EPHA6: variants seen among roughly 807,000 people sequenced by gnomAD.
EPHA6 encodes ephrin type-A receptor 6.
EPHA6 carries 50 observed loss-of-function variants against 112.0 expected under a neutral mutation model. The ratio of observed to expected loss-of-function variants is 0.45; its 90% CI spans 0.36 to 0.56. EPHA6 has a LOEUF of 0.56. EPHA6 is among the 20% of genes least tolerant of loss of function. EPHA6 has a pLI of 0.00. For missense variants in EPHA6, 1,280 were observed against 1,417.4 expected (o/e 0.90, Z 1.56); for synonymous variants, 529 against 490.7 (o/e 1.08, Z -1.03).
At chr3:97,641,790 T>C (rs972523442) in intron 14 of EPHA6, among the ~76,000 whole-genome samples, 15 of 152,304 alleles carry the variant, frequency 9.8e-5, no homozygotes, top group East Asian at 7.7e-4. Context: ...GAGGGTCCTA[T>C]GCCCACGGAG....
intron 14 of EPHA6, among the ~76,000 whole-genome samples, chr3:97,690,126 T>C (rs1291709626): frequency 6.6e-6 from 1 of 152,250 alleles, no homozygotes; most frequent in Non-Finnish European, 1.5e-5. Flanking sequence ...CACATGTTTT[T>C]ATTTATCTTG....
chr3:97,581,625 TC>T (rs1273891359), intron 11 of EPHA6, among the ~76,000 whole-genome samples: 1 of 152,250 alleles, frequency 6.6e-6, no homozygotes, highest in Non-Finnish European at 1.5e-5. Flanking sequence ...TGTATAATTG[TC>T]CTCATAACAT....
intron 1 of EPHA6, among the ~76,000 whole-genome samples, chr3:96,832,344 A>G (rs2034138449): frequency 6.6e-6 from 1 of 152,068 alleles, no homozygotes; most frequent in Admixed American, 6.6e-5. Context: ...TATAGAATGC[A>G]TATTATAATA....
intron 12 of EPHA6, among the ~76,000 whole-genome samples, chr3:97,603,077 AG>A (rs2093655012): frequency 6.6e-6 from 1 of 152,070 alleles, no homozygotes; most frequent in Non-Finnish European, 1.5e-5. Context: ...TACAAAATCA[AG>A]AAAGACATTC....
intron 1 of EPHA6, 138 bp from the exon 2 acceptor site, chr3:96,866,687 A>C (rs1032983718): frequency 4.1e-5 from 17 of 417,910 alleles, no homozygotes; most frequent in Non-Finnish European, 6.4e-5. Context: ...ATTTCTGAAG[A>C]TAACTCATTA....
At chr3:97,388,755 C>A (rs1402939450) in intron 5 of EPHA6, among the ~76,000 whole-genome samples, 1 of 152,106 alleles carries the variant, frequency 6.6e-6, no homozygotes, top group African/African-American at 2.4e-5. Flanking sequence ...AAAAGATCCT[C>A]ATCACAGATA....
rs138671398 is a variant in EPHA6 at position 96,879,023 on chromosome 3, G to T, written c.450+12134G>T. Among the ~76,000 whole-genome samples the T allele has an allele frequency of 2.6e-3, 398 of 152,020 alleles. 4 individuals carry two copies. Among genetic ancestry groups the T allele is most frequent in the African/African-American group, 8.3e-3 (343 of 41,522 alleles). ...AAAGATATATTTCACGCAATATACA[G>T]AACACTTAATATGGTGTCCACATTC... On this transcript the variant is annotated intron_variant, in intron 2 of 17. Transcript: ENST00000389672.
chr3:97,384,877 T>C (rs1384454008), intron 5 of EPHA6, among the ~76,000 whole-genome samples: 2 of 152,190 alleles, frequency 1.3e-5, no homozygotes, highest in African/African-American at 4.8e-5. Context: ...ACACTAAGTT[T>C]GGTAAATAAA....
intron 2 of EPHA6, among the ~76,000 whole-genome samples, chr3:96,940,961 G>A (rs2040906432): frequency 2.6e-5 from 4 of 152,212 alleles, no homozygotes; most frequent in Admixed American, 2.6e-4. Context: ...TTTCTGCCGA[G>A]AGATCAGCTG....
chr3:97,140,879 C>T (rs748112654), intron 3 of EPHA6, among the ~76,000 whole-genome samples: 4 of 152,122 alleles, frequency 2.6e-5, no homozygotes, highest in East Asian at 1.9e-4. Context: ...AACATATAGA[C>T]TGGCAAATAG....
intron 11 of EPHA6, among the ~76,000 whole-genome samples, chr3:97,551,396 A>G (rs2093026922): frequency 1.3e-5 from 2 of 152,174 alleles, no homozygotes; most frequent in South Asian, 4.1e-4. Flanking sequence ...ATTGGGTTAT[A>G]TCAATCACTG....
At chr3:97,054,954 A>T (rs949860069) in intron 3 of EPHA6, among the ~76,000 whole-genome samples, 1 of 152,010 alleles carries the variant, frequency 6.6e-6, no homozygotes, top group African/African-American at 2.4e-5. Flanking sequence ...CTTTCTTAAA[A>T]ATTTCCCCCC....
intron 13 of EPHA6, among the ~76,000 whole-genome samples, chr3:97,625,871 C>T (rs2093852217): frequency 6.6e-6 from 1 of 151,632 alleles, no homozygotes; most frequent in Admixed American, 6.6e-5. Context: ...GGAGGATTGA[C>T]TTTGGAGAGT....
intron 15 of EPHA6, 85 bp from the exon 16 acceptor site, chr3:97,735,840 C>A: frequency 1.0e-6 from 1 of 997,608 alleles, no homozygotes; most frequent in Non-Finnish European, 1.4e-6. Flanking sequence ...ATTATTTTGG[C>A]TTCTTCTGCT....
chr3:97,616,759 C>T (rs536472873), intron 13 of EPHA6, among the ~76,000 whole-genome samples: 2 of 152,094 alleles, frequency 1.3e-5, no homozygotes, highest in Admixed American at 1.3e-4. Flanking sequence ...ATAAACAAAA[C>T]CTCCAAGAAA....
At chr3:97,524,273 T>C (rs532024587) in intron 10 of EPHA6, among the ~76,000 whole-genome samples, 5 of 152,170 alleles carry the variant, frequency 3.3e-5, no homozygotes, top group African/African-American at 1.2e-4. Flanking sequence ...TCATTATAGT[T>C]ATCATGAGGC....
intron 5 of EPHA6, among the ~76,000 whole-genome samples, chr3:97,310,967 G>C (rs1403821476): frequency 6.6e-6 from 1 of 151,486 alleles, no homozygotes; most frequent in South Asian, 2.1e-4. Flanking sequence ...ACAAACAGTA[G>C]GTACCTAGCT....
intron 5 of EPHA6, among the ~76,000 whole-genome samples, chr3:97,385,713 G>T (rs565368867): frequency 6.6e-6 from 1 of 152,296 alleles, no homozygotes; most frequent in African/African-American, 2.4e-5. Context: ...GGCTGTACAG[G>T]CTCCTGCTTC....
chr3:97,748,183 T>G (rs1449777434), intron 17 of EPHA6, among the ~76,000 whole-genome samples: 1 of 152,110 alleles, frequency 6.6e-6, no homozygotes, highest in Non-Finnish European at 1.5e-5. Context: ...TATTATACCT[T>G]CCATCCTACA....
Sources: allele counts gnomAD v4.1 joint callset (sites outside exome capture counted in the v4.1 genomes callset), GRCh38; gene constraint gnomAD v4.1.1; transcripts MANE v1.5; gene names NCBI Gene and HGNC (gene_info 2026-07-23, HGNC 2026-07-21).